Variants in ARSD observed in about 807,000 individuals in gnomAD.
The protein encoded by ARSD is testis tissue sperm-binding protein Li 39a.
Under a neutral mutation model 32.6 loss-of-function variants are expected in ARSD, and 21 were observed. That is an observed-to-expected ratio of 0.64 (90% CI 0.46 to 0.93). ARSD has a LOEUF of 0.93. ARSD is among the 40% of genes least tolerant of loss of function. The pLI, the probability that ARSD is intolerant of heterozygous loss-of-function variation, is 0.00. For missense variants in ARSD, 454 were observed against 520.9 expected, an observed-to-expected ratio of 0.87 and a Z score of 1.25; for synonymous variants, 224 against 237.4, an observed-to-expected ratio of 0.94 and a Z score of 0.52.
intron 4 of ARSD, among the ~76,000 whole-genome samples, chrX:2,919,885 TTG>T (rs1400797072): frequency 9.0e-6 from 1 of 111,358 alleles, no homozygotes; most frequent in Non-Finnish European, 1.9e-5. Context: ...TCTTGGGAGC[TTG>T]TGTCTGGTTT....
chrX:2,911,023 C>T (rs1441301244), intron 6 of ARSD, among the ~76,000 whole-genome samples: 1 of 112,020 alleles, frequency 8.9e-6, no homozygotes, highest in African/African-American at 3.2e-5. Flanking sequence ...TTCGAAGCCC[C>T]CCAACCGACT....
At chrX:2,925,911 T>C (rs2147331637) in intron 1 of ARSD, 146 bp from the exon 2 acceptor site, 1 of 576,718 alleles carries the variant, frequency 1.7e-6, no homozygotes, top group East Asian at 3.7e-5. Context: ...TTGGCCTGAA[T>C]TCCTGCACTG....
In ARSD at chrX:2,921,975, G is replaced by A; in HGVS notation, c.244C>T (p.His82Tyr). 8.3e-7 allele frequency: 1 copy of A among 1,210,558 alleles called. No homozygotes were observed. The highest frequency in any genetic ancestry group is 1.1e-6 in the Non-Finnish European group (1 of 895,019). ...LAEEGVRLTQ[H>Y]LAAAPLCTPS... ...GTGCAGAGCGGGGCGGCCGCCAGGT[G>A]CTGAGTGAGCCTCACACCTTCCTCT... The change falls in exon 3 of 10, where the codon CAC (histidine) becomes TAC (tyrosine). Residue 82 changes from histidine to tyrosine, a missense_variant. His to Tyr is a moderately conservative substitution (Grantham distance 83). Transcript: ENST00000381154.
intron 8 of ARSD, 141 bp downstream of exon 8, chrX:2,909,674 ACT>A: frequency 4.4e-6 from 2 of 449,581 alleles, no homozygotes; most frequent in Non-Finnish European, 6.6e-6. Context: ...AGAGTGTGAG[ACT>A]CTGTCTCAAA....
chrX:2,929,217 C>T lies in ARSD; in HGVS notation c.44+15G>A. On this transcript the variant is annotated intron_variant, in intron 1 of 9. Coordinates refer to ENST00000381154, the MANE Select transcript of ARSD (RefSeq NM_001669.4). ...CTAGGCCTTAGTATGGGCCGCGTCCCGGGGTCCCAGGCACCTGGCGGCGGG... is the reference window on the plus strand; with the variant it reads ...CTAGGCCTTAGTATGGGCCGCGTCCTGGGGTCCCAGGCACCTGGCGGCGGG... The T allele has an allele frequency of 9.6e-7, 1 of 1,042,665 alleles. No homozygotes were observed. The allele number at this position is 1,042,665 out of a possible 1,213,427, so 85.9% of individuals were successfully genotyped here.
At chrX:2,920,366 CT>C (rs1259982212) in intron 4 of ARSD, 47,354 of 273,675 alleles carry the variant, frequency 0.17, no homozygotes, top group East Asian at 0.22. Flanking sequence ...AAAACGGGAT[CT>C]TTTTTTTTTT....
chrX:2,922,027 G>A lies in ARSD; in HGVS notation c.195-3C>T, dbSNP rs777564709. ...CAAGCTGGTCAATATTCGGCGTTCT[G>A]AGCAAAGCACACAAATGTCATTGTT... On this transcript the variant is annotated splice_region_variant and splice_polypyrimidine_tract_variant and intron_variant, in intron 2 of 9. Coordinates refer to ENST00000381154, the MANE Select transcript of ARSD (RefSeq NM_001669.4). 3.3e-6 allele frequency: 4 copies of A among 1,196,100 alleles called. No individual in the cohort carries two copies. Among genetic ancestry groups the A allele is most frequent in the Non-Finnish European group, 4.5e-6 (4 of 888,113 alleles).
At chrX:2,923,351 G>C (rs2089050617) in intron 2 of ARSD, 1 of 194,080 alleles carries the variant, frequency 5.2e-6, no homozygotes, top group African/African-American at 3.1e-5. Flanking sequence ...GCATGTGCCT[G>C]TAGTCTCAGC....
chrX:2,915,556 C>G lies in ARSD; in HGVS notation c.1000G>C (p.Gly334Arg), dbSNP rs2088949317. The change falls in exon 6 of 10, where the codon GGT becomes CGT. Residue 334 changes from glycine (G) to arginine (R), a missense_variant and splice_region_variant. Physicochemically the swap from Gly to Arg is moderately radical, Grantham distance 125. Around this residue, in one of 3 missense-constraint regions of ARSD, gnomAD observed 271 missense variants for 301.0 expected, o/e 0.90. Transcript: ENST00000381154. ...DNVEEMDWLI[G>R]KVLNAIEDNG... is the part of the protein sequence containing the mutation. Reference sequence around the variant, plus strand: ...GAGGCTCCATGGTACCTTGACTTACCTATGAGCCAGTCCATCTCCTCCACA... The same window carrying G: ...GAGGCTCCATGGTACCTTGACTTACGTATGAGCCAGTCCATCTCCTCCACA... 8.3e-7 allele frequency: 1 copy of G among 1,209,622 alleles called. No homozygotes were observed. Among genetic ancestry groups the G allele is most frequent in the Non-Finnish European group, 1.1e-6 (1 of 894,843 alleles).
At chrX:2,907,704 G>A in intron 9 of ARSD, 72 bp from the exon 10 acceptor site, 1 of 1,080,361 alleles carries the variant, frequency 9.3e-7, no homozygotes, top group Non-Finnish European at 1.2e-6. Flanking sequence ...GCAGGTGTCG[G>A]CCCTGTGGTA....
chrX:2,928,659 G>A (rs765829031), intron 1 of ARSD, among the ~76,000 whole-genome samples: 2 of 84,048 alleles, frequency 2.4e-5, no homozygotes, highest in South Asian at 1.6e-3. Flanking sequence ...GGCCGTGCTG[G>A]AAGGCATCGA....
intron 5 of ARSD, among the ~76,000 whole-genome samples, chrX:2,916,405 C>G (rs894920867): frequency 1.8e-5 from 2 of 108,719 alleles, no homozygotes; most frequent in South Asian, 4.1e-4. Flanking sequence ...GGCTGAGGCA[C>G]GAGAATTGCC....
chrX:2,906,979 A>T lies in ARSD; in HGVS notation c.*292T>A. 1 of 214,872 alleles carries T rather than the reference A, an allele frequency of 4.7e-6. No individual in the cohort carries two copies. The highest frequency in any genetic ancestry group is 9.9e-5 in the East Asian group (1 of 10,067). 17.7% of individuals were successfully genotyped at this position (214,872 alleles called of 1,213,427 possible). On this transcript the variant is annotated 3_prime_UTR_variant, in exon 10 of 10. Transcript: ENST00000381154. The stretch of plus-strand genomic sequence containing the variant: ...ACAAAAATTAGCTAGGCATGGTGGC[A>T]GGTGCCTGGTGCCTGTAATCCTGGG...
chrX:2,911,772 C>T (rs988587458), intron 6 of ARSD, among the ~76,000 whole-genome samples: 11 of 110,725 alleles, frequency 9.9e-5, no homozygotes, highest in African/African-American at 1.6e-4. Flanking sequence ...GGTGGACATG[C>T]GTCATGATAC....
chrX:2,909,437 C>A (rs1198208475), intron 8 of ARSD, among the ~76,000 whole-genome samples: 1 of 111,409 alleles, frequency 9.0e-6, no homozygotes, highest in African/African-American at 3.3e-5. Flanking sequence ...ATCCGCCCAT[C>A]TAGCCTCCCA....
rs749200157 is a variant in ARSD, at chrX:2,906,985, C to T, written c.*286G>A. On this transcript the variant is annotated 3_prime_UTR_variant, in exon 10 of 10. Coordinates refer to ENST00000381154, the MANE Select transcript of ARSD (RefSeq NM_001669.4). ...ATTAGCTAGGCATGGTGGCAGGTGC[C>T]TGGTGCCTGTAATCCTGGGTACTCA... 4.0e-5 allele frequency: 9 copies of T among 222,803 alleles called. No individual in the cohort carries two copies. Among genetic ancestry groups the T allele is most frequent in the Admixed American group, 6.7e-5 (1 of 14,892 alleles). 18.4% of individuals were successfully genotyped at this position (222,803 alleles called of 1,213,427 possible).
intron 6 of ARSD, chrX:2,913,990 C>T: frequency 2.5e-6 from 1 of 402,533 alleles, no homozygotes; most frequent in East Asian, 1.8e-4. Context: ...TCGCCTTCCA[C>T]CATGAGCAAA....
chrX:2,919,570 C>T (rs1252458798), intron 4 of ARSD, among the ~76,000 whole-genome samples: 1 of 111,726 alleles, frequency 9.0e-6, no homozygotes, highest in East Asian at 2.8e-4. Flanking sequence ...TGTAAGATTC[C>T]CCGTGGCTGG....
intron 6 of ARSD, among the ~76,000 whole-genome samples, chrX:2,911,452 C>T (rs1273352456): frequency 2.8e-5 from 3 of 107,714 alleles, no homozygotes; most frequent in South Asian, 8.2e-4. Context: ...GGGTGGATTA[C>T]GAGGTCAGGA....
Sources: allele counts gnomAD v4.1 joint callset (sites outside exome capture counted in the v4.1 genomes callset), GRCh38; gene constraint gnomAD v4.1.1; regional missense constraint gnomAD v4.1.1; transcripts MANE v1.5; gene names NCBI Gene and HGNC (gene_info 2026-07-23, HGNC 2026-07-21).